The following COL5A2 variants were observed in gnomAD, a reference collection of about 807,000 sequenced individuals.
COL5A2 encodes the protein collagen type V alpha 2 chain.
In COL5A2, 23 loss-of-function variants were observed where a neutral mutation model predicts 208.2. The observed-to-expected ratio is 0.11, with a 90% CI of 0.08 to 0.16. The LOEUF (loss-of-function observed/expected upper bound fraction) is 0.16. COL5A2 is among the 10% of genes least tolerant of loss of function. COL5A2 has a pLI of 1.00. For synonymous variants in COL5A2, 625 were observed against 628.5 expected, an observed-to-expected ratio of 0.99 and a Z score of 0.08; for missense variants, 1,590 against 1,956.4, an observed-to-expected ratio of 0.81 and a Z score of 3.53.
At chr2:189,306,919 T>A in the COL5A2 span, among the ~76,000 whole-genome samples, 1 of 152,214 alleles carries the variant, frequency 6.6e-6, no homozygotes, top group East Asian at 1.9e-4. Context: ...AAAATGTAAT[T>A]ATACATAACC....
At chr2:189,358,620 G>A in the COL5A2 span, among the ~76,000 whole-genome samples, 1 of 152,096 alleles carries the variant, frequency 6.6e-6, no homozygotes, top group Non-Finnish European at 1.5e-5. Flanking sequence ...AACATCTTAG[G>A]TGTTTTGACA....
the COL5A2 span, among the ~76,000 whole-genome samples, chr2:189,377,098 T>C: frequency 6.6e-6 from 1 of 152,210 alleles, no homozygotes; most frequent in Non-Finnish European, 1.5e-5. Flanking sequence ...TTCTGCTTCA[T>C]CTTTACTTTC....
chr2:189,141,641 G>A (rs1420358143), intron 1 of COL5A2, among the ~76,000 whole-genome samples: 1 of 152,132 alleles, frequency 6.6e-6, no homozygotes, highest in African/African-American at 2.4e-5. Context: ...AAGTTAGCAC[G>A]CTCATTTCCC....
At chr2:189,195,217 T>C (rs889013653) in intron 1 of COL5A2, among the ~76,000 whole-genome samples, 2 of 152,074 alleles carry the variant, frequency 1.3e-5, no homozygotes, top group African/African-American at 2.4e-5. Context: ...CCATTCACAA[T>C]TGCTACAAAC....
At chr2:189,324,952 T>C in the COL5A2 span, among the ~76,000 whole-genome samples, 1 of 151,990 alleles carries the variant, frequency 6.6e-6, no homozygotes, top group Non-Finnish European at 1.5e-5. Context: ...ATTAAGAAAA[T>C]GTGGCACATA....
chr2:189,225,871 G>A (rs1576591326), upstream of COL5A2, among the ~76,000 whole-genome samples: 2 of 152,150 alleles, frequency 1.3e-5, no homozygotes, highest in African/African-American at 2.4e-5. Context: ...AATTACATGA[G>A]TACAGAACCA....
At chr2:189,369,811 T>C in the COL5A2 span, among the ~76,000 whole-genome samples, 4 of 152,154 alleles carry the variant, frequency 2.6e-5, no homozygotes, top group African/African-American at 9.7e-5. Flanking sequence ...AATGGTTGGT[T>C]GGTTTGTGTT....
At chr2:189,268,513 T>C in the COL5A2 span, among the ~76,000 whole-genome samples, 1 of 152,090 alleles carries the variant, frequency 6.6e-6, no homozygotes, top group East Asian at 1.9e-4. Flanking sequence ...GCAACTGGAA[T>C]TGGCATTCAG....
At chr2:189,234,945 T>A in the COL5A2 span, among the ~76,000 whole-genome samples, 11 of 151,756 alleles carry the variant, frequency 7.2e-5, no homozygotes, top group African/African-American at 2.4e-4. Flanking sequence ...ATAAAAATAA[T>A]AATTATACTT....
At chr2:189,414,263 G>A in the COL5A2 span, among the ~76,000 whole-genome samples, 2 of 152,222 alleles carry the variant, frequency 1.3e-5, no homozygotes, top group South Asian at 4.1e-4. Context: ...AGGAAAAATA[G>A]TAATTATCAA....
chr2:189,353,774 GT>G, the COL5A2 span, among the ~76,000 whole-genome samples: 1 of 151,948 alleles, frequency 6.6e-6, no homozygotes, highest in Admixed American at 6.6e-5. Flanking sequence ...TTTGAATACC[GT>G]TTTTTTCTTT....
the COL5A2 span, among the ~76,000 whole-genome samples, chr2:189,436,475 G>A: frequency 6.6e-6 from 1 of 152,032 alleles, no homozygotes; most frequent in African/African-American, 2.4e-5. Flanking sequence ...GTATACATAT[G>A]TAACAAACTT....
the COL5A2 span, among the ~76,000 whole-genome samples, chr2:189,301,550 T>C: frequency 6.6e-6 from 1 of 152,206 alleles, no homozygotes; most frequent in Non-Finnish European, 1.5e-5. Flanking sequence ...TATATGAGAT[T>C]GTTTGCCCAA....
chr2:189,108,238 T>C (rs1214501451), intron 2 of COL5A2, among the ~76,000 whole-genome samples: 1 of 151,846 alleles, frequency 6.6e-6, no homozygotes, highest in Non-Finnish European at 1.5e-5. Context: ...TCACATAAGT[T>C]CTTTGACAGT....
At chr2:189,093,890 T>G (rs1337935769) in intron 6 of COL5A2, among the ~76,000 whole-genome samples, 2 of 152,202 alleles carry the variant, frequency 1.3e-5, no homozygotes, top group African/African-American at 4.8e-5. Flanking sequence ...CATACAGCCT[T>G]GTGTAGAAAA....
At chr2:189,245,721 A>T in the COL5A2 span, among the ~76,000 whole-genome samples, 1 of 152,046 alleles carries the variant, frequency 6.6e-6, no homozygotes. Context: ...TGATCCGCCC[A>T]CCTCGGCCTC....
chr2:189,358,702 T>C, the COL5A2 span, among the ~76,000 whole-genome samples: 1 of 152,226 alleles, frequency 6.6e-6, no homozygotes, highest in Non-Finnish European at 1.5e-5. Flanking sequence ...TTCTAAGCCA[T>C]AAGAAAGTGA....
chr2:189,402,065 T>C, the COL5A2 span, among the ~76,000 whole-genome samples: 1 of 152,184 alleles, frequency 6.6e-6, no homozygotes, highest in Admixed American at 6.5e-5. Context: ...AAACTCTTTA[T>C]TTTAATTAGA....
intron 21 of COL5A2, among the ~76,000 whole-genome samples, chr2:189,067,121 C>T (rs953657593): frequency 2.6e-5 from 4 of 152,028 alleles, no homozygotes; most frequent in Non-Finnish European, 5.9e-5. Context: ...ATGACAATTT[C>T]TATAGATAAA....
Sources: allele counts gnomAD v4.1 joint callset (sites outside exome capture counted in the v4.1 genomes callset), GRCh38; gene constraint gnomAD v4.1.1; transcripts MANE v1.5; gene names NCBI Gene and HGNC (gene_info 2026-07-23, HGNC 2026-07-21).